Variants in DYM observed in about 807,000 individuals in gnomAD.
DYM encodes the protein dymeclin, also known as dyggve-Melchior-Clausen syndrome protein.
A neutral mutation model predicts 93.1 loss-of-function variants in DYM; 78 were observed. That is an observed-to-expected ratio of 0.84 (90% CI 0.70 to 1.01). The LOEUF (loss-of-function observed/expected upper bound fraction) is 1.01. DYM is among the 50% of genes least tolerant of loss of function. The pLI is 0.00. For synonymous variants in DYM, 321 were observed against 319.7 expected (o/e 1.00, Z -0.04); for missense variants, 789 against 845.0 (o/e 0.93, Z 0.82).
chr18:49,122,168 G>A (rs905696010), intron 15 of DYM, among the ~76,000 whole-genome samples: 1 of 152,164 alleles, frequency 6.6e-6, no homozygotes, highest in Non-Finnish European at 1.5e-5. Context: ...CCTGGTAGAT[G>A]TGTTATATAT....
At chr18:49,260,144 T>C (rs1598959765) in intron 11 of DYM, among the ~76,000 whole-genome samples, 1 of 152,336 alleles carries the variant, frequency 6.6e-6, no homozygotes. Context: ...CAGTGGCTGA[T>C]GTCTGTATTC....
chr18:49,363,024 G>C (rs1303082388), intron 6 of DYM, 137 bp downstream of exon 6: 1 of 705,440 alleles, frequency 1.4e-6, no homozygotes, highest in Non-Finnish European at 2.5e-6. Context: ...AGAGAGAAAA[G>C]AACTCTGTGG....
intron 2 of DYM, among the ~76,000 whole-genome samples, chr18:49,426,925 T>C (rs1265066039): frequency 6.6e-6 from 1 of 152,170 alleles, no homozygotes; most frequent in African/African-American, 2.4e-5. Flanking sequence ...TGCTTACCTT[T>C]AATTAGTAAT....
chr18:49,245,502 C>G (rs1156513143), intron 13 of DYM, among the ~76,000 whole-genome samples: 1 of 152,110 alleles, frequency 6.6e-6, no homozygotes, highest in African/African-American at 2.4e-5. Flanking sequence ...TGTCTTATGC[C>G]GTTGAGATAA....
At chr18:49,207,393 A>T (rs2092569350) in intron 14 of DYM, among the ~76,000 whole-genome samples, 1 of 152,236 alleles carries the variant, frequency 6.6e-6, no homozygotes, top group South Asian at 2.1e-4. Flanking sequence ...ATACGTGGTA[A>T]CAAAGAACAC....
intron 14 of DYM, among the ~76,000 whole-genome samples, chr18:49,167,470 T>G (rs1159711594): frequency 6.6e-6 from 1 of 152,212 alleles, no homozygotes; most frequent in Non-Finnish European, 1.5e-5. Context: ...TTTGTTACTA[T>G]CATACAATTT....
intron 17 of DYM, among the ~76,000 whole-genome samples, chr18:49,085,698 C>T (rs1023164810): frequency 2.1e-4 from 32 of 149,706 alleles, no homozygotes; most frequent in African/African-American, 7.4e-4. Flanking sequence ...ACCTCTGCTG[C>T]CCGGGTTCAA....
At chr18:49,244,232 G>A (rs79030588) in intron 13 of DYM, among the ~76,000 whole-genome samples, 2,470 of 152,262 alleles carry the variant, frequency 0.016, 73 homozygotes, top group African/African-American at 0.056. Context: ...TCACTTAACT[G>A]GTTCTCCGCT....
At chr18:49,183,578 A>G (rs2090133607) in intron 14 of DYM, among the ~76,000 whole-genome samples, 1 of 152,176 alleles carries the variant, frequency 6.6e-6, no homozygotes, top group Non-Finnish European at 1.5e-5. Flanking sequence ...AGTTAATTAT[A>G]TACATTTTAT....
intron 6 of DYM, among the ~76,000 whole-genome samples, chr18:49,362,221 G>A (rs961961907): frequency 2.0e-5 from 3 of 152,048 alleles, no homozygotes; most frequent in Admixed American, 6.5e-5. Flanking sequence ...AATGAGGCCA[G>A]GCACGGTGGC....
At position 49,043,771 on chromosome 18, in the gene DYM, T is replaced by C. The variant is rs754543466; in HGVS notation, c.*284A>G. ...AGGCAACAGGATCTTGGGAAAGCTC[T>C]AGATTTTTGGCTTCGAAATAAAACT... On this transcript the variant is annotated 3_prime_UTR_variant, in exon 18 of 18. Transcript: ENST00000675505. The C allele has an allele frequency of 1.3e-4, 54 of 431,550 alleles. No individual in the cohort carries two copies. The highest frequency in any genetic ancestry group is 2.0e-4 in the South Asian group (9 of 43,986). 26.7% of individuals were successfully genotyped at this position (431,550 alleles called of 1,614,324 possible).
intron 14 of DYM, among the ~76,000 whole-genome samples, chr18:49,172,164 A>G (rs1490767185): frequency 6.6e-6 from 1 of 152,210 alleles, no homozygotes; most frequent in Non-Finnish European, 1.5e-5. Context: ...ATCACTCAGC[A>G]TAATGCTTTT....
At chr18:49,208,347 T>A (rs971631816) in intron 14 of DYM, 55 of 152,300 alleles carry the variant, frequency 3.6e-4, no homozygotes, top group Admixed American at 2.9e-3. Flanking sequence ...TCCCTCACTT[T>A]CCATAAGCCA....
intron 16 of DYM, among the ~76,000 whole-genome samples, chr18:49,112,625 A>G (rs1037622287): frequency 1.3e-5 from 2 of 152,174 alleles, no homozygotes; most frequent in Non-Finnish European, 2.9e-5. Context: ...CTAGCTTTCT[A>G]TATCCTAAGC....
chr18:49,322,880 G>C (rs1334183101), intron 8 of DYM, among the ~76,000 whole-genome samples: 1 of 152,128 alleles, frequency 6.6e-6, no homozygotes, highest in Admixed American at 6.6e-5. Flanking sequence ...CACAAAGGAA[G>C]GTATTATTCT....
chr18:49,096,820 C>T (rs1436966588), intron 17 of DYM, among the ~76,000 whole-genome samples: 1 of 152,180 alleles, frequency 6.6e-6, no homozygotes, highest in Non-Finnish European at 1.5e-5. Flanking sequence ...ACACAGTAAA[C>T]AGTGCAGCAA....
intron 6 of DYM, among the ~76,000 whole-genome samples, chr18:49,342,434 G>A (rs144152771): frequency 6.6e-6 from 1 of 152,268 alleles, no homozygotes; most frequent in Non-Finnish European, 1.5e-5. Flanking sequence ...GTTACTCACA[G>A]GTTCCAGGGA....
chr18:49,410,619 G>T (rs1270326602), intron 2 of DYM, among the ~76,000 whole-genome samples: 1 of 150,680 alleles, frequency 6.6e-6, no homozygotes, highest in African/African-American at 2.4e-5. Flanking sequence ...GTTGAAGCCT[G>T]GACAACATAG....
intron 13 of DYM, among the ~76,000 whole-genome samples, chr18:49,218,514 T>A (rs1467291327): frequency 6.6e-6 from 1 of 152,192 alleles, no homozygotes; most frequent in East Asian, 1.9e-4. Context: ...AGTAGAGCTC[T>A]CCTCAGCAAA....
Sources: allele counts gnomAD v4.1 joint callset (sites outside exome capture counted in the v4.1 genomes callset), GRCh38; gene constraint gnomAD v4.1.1; transcripts MANE v1.5; gene names NCBI Gene and HGNC (gene_info 2026-07-23, HGNC 2026-07-21).